GAB2: variants seen among roughly 807,000 people sequenced by gnomAD.
GAB2 encodes GRB2-associated-binding protein 2.
A neutral mutation model predicts 65.5 loss-of-function variants in GAB2; 26 were observed. The ratio of observed to expected loss-of-function variants is 0.40; its 90% CI spans 0.29 to 0.55. The LOEUF is 0.55. Ranked by LOEUF, GAB2 falls within the 20% of genes least tolerant of loss-of-function variation. GAB2 has a pLI of 0.53. For synonymous variants in GAB2, 321 were observed against 329.6 expected (o/e 0.97, Z 0.28); for missense variants, 884 against 875.8 (o/e 1.01, Z -0.12).
intron 2 of GAB2, among the ~76,000 whole-genome samples, chr11:78,265,121 G>A (rs1426000798): frequency 2.6e-5 from 4 of 151,282 alleles, no homozygotes; most frequent in Non-Finnish European, 4.4e-5. Context: ...CCAAGACCAC[G>A]TTTAGACTAA....
chr11:78,322,854 C>T (rs1855752236), intron 1 of GAB2, among the ~76,000 whole-genome samples: 1 of 150,208 alleles, frequency 6.7e-6, no homozygotes, highest in Admixed American at 6.6e-5. Flanking sequence ...AAAGGAAATC[C>T]TTATACACTG....
chr11:78,384,034 G>A (rs1432746532), intron 1 of GAB2, among the ~76,000 whole-genome samples: 1 of 152,160 alleles, frequency 6.6e-6, no homozygotes, highest in East Asian at 1.9e-4. Flanking sequence ...GAGGAAAGGG[G>A]CCTCCAGGGA....
chr11:78,236,129 T>C (rs970338564), intron 3 of GAB2, among the ~76,000 whole-genome samples: 1 of 152,240 alleles, frequency 6.6e-6, no homozygotes, highest in Admixed American at 6.5e-5. Context: ...CAGCAACATT[T>C]GATAGTTTTC....
Position 78,226,470 on chromosome 11 carries a change from T to G in GAB2, c.1202A>C (p.His401Pro). 2 of 1,612,474 alleles carry G rather than the reference T, an allele frequency of 1.2e-6. No homozygotes were observed. The highest frequency in any genetic ancestry group is 1.7e-6 in the Non-Finnish European group (2 of 1,178,460). ...CAGCTAGGACTTATACTGACCTCGGTGAAGTCGGCTGTTGTCCATTGCAGG... is the reference window on the plus strand; with the variant it reads ...CAGCTAGGACTTATACTGACCTCGGGGAAGTCGGCTGTTGTCCATTGCAGG... ...TLPAMDNSRL[H>P]RASSCETYEY... The change falls in exon 4 of 10, where the codon CAC (histidine) becomes CCC (proline). Residue 401 changes from histidine (H) to proline (P), a missense_variant. Physicochemically the swap from His to Pro is moderately conservative, Grantham distance 77. Coordinates refer to ENST00000361507, the MANE Select transcript of GAB2 (RefSeq NM_080491.3).
intron 1 of GAB2, among the ~76,000 whole-genome samples, chr11:78,289,136 G>A (rs539326593): frequency 4.6e-5 from 7 of 152,124 alleles, no homozygotes; most frequent in African/African-American, 7.2e-5. Flanking sequence ...GTCATGGTTC[G>A]TGCCTGTAAT....
At position 78,262,966 on chromosome 11, in the gene GAB2, TAC is replaced by T. The variant is rs537294590; in HGVS notation, c.377-12568_377-12567del. ...ACATAATTGTTTATGGCTGCATATATACTACAACAGCAAAGCTGAGTAGTTGC... is the reference window on the plus strand; with the variant it reads ...ACATAATTGTTTATGGCTGCATATATTACAACAGCAAAGCTGAGTAGTTGC... On this transcript the variant is annotated intron_variant, in intron 2 of 9. Transcript: ENST00000361507. 2.2e-3 allele frequency among the ~76,000 whole-genome samples: 329 copies of T among 152,336 alleles called. 1 individual carries two copies. The highest frequency in any genetic ancestry group is 7.3e-3 in the African/African-American group (303 of 41,578).
At chr11:78,369,317 T>C (rs73500989) in intron 1 of GAB2, among the ~76,000 whole-genome samples, 3,779 of 152,272 alleles carry the variant, frequency 0.025, 124 homozygotes, top group African/African-American at 0.079. Flanking sequence ...TTACAGTGTA[T>C]ATAAACTTAA....
chr11:78,262,258 G>A (rs537690228), intron 2 of GAB2, among the ~76,000 whole-genome samples: 30 of 152,322 alleles, frequency 2.0e-4, no homozygotes, highest in East Asian at 9.6e-4. Context: ...GTTGGAGTCC[G>A]AATCTCAGCT....
At chr11:78,234,967 G>A (rs866195484) in intron 3 of GAB2, among the ~76,000 whole-genome samples, 15 of 151,988 alleles carry the variant, frequency 9.9e-5, no homozygotes, top group African/African-American at 3.4e-4. Context: ...CTGAGATCAT[G>A]CCACTGCATT....
At position 78,215,867 on chromosome 11, in the gene GAB2, TA is replaced by T. The variant is rs1193192706; in HGVS notation, c.*3404del. The T allele has an allele frequency of 4.6e-5, 7 of 152,616 alleles. No homozygotes were observed. The highest frequency in any genetic ancestry group is 1.7e-4 in the African/African-American group (7 of 41,414). 9.5% of individuals were successfully genotyped at this position (152,616 alleles called of 1,614,324 possible). A position where few individuals can be genotyped will look rare whatever the true frequency, so the allele number is the denominator to read the frequency against. On this transcript the variant is annotated 3_prime_UTR_variant, in exon 10 of 10. Transcript: ENST00000361507. ...GGAAGGAAGAACTCTGGAAATGGGATAGGGGTGCTGGGCCGAGATGTCCCCA... is the reference window on the plus strand; with the variant it reads ...GGAAGGAAGAACTCTGGAAATGGGATGGGGTGCTGGGCCGAGATGTCCCCA...
chr11:78,396,289 T>C (rs1357685377), intron 1 of GAB2, among the ~76,000 whole-genome samples: 1 of 152,244 alleles, frequency 6.6e-6, no homozygotes, highest in Non-Finnish European at 1.5e-5. Flanking sequence ...AAGTGCTATA[T>C]TCACATCTGA....
chr11:78,231,851 T>TA (rs1372053508), intron 3 of GAB2: 2 of 152,242 alleles, frequency 1.3e-5, no homozygotes, highest in Non-Finnish European at 2.9e-5. Context: ...GGTGACTTAA[T>TA]ATAAAATGCT....
intron 1 of GAB2, among the ~76,000 whole-genome samples, chr11:78,292,005 T>G (rs1158294870): frequency 1.3e-4 from 1 of 7,488 alleles, no homozygotes; most frequent in African/African-American, 1.5e-4. Flanking sequence ...TGTGTAGGGG[T>G]GTGTGTGTGT....
chr11:78,299,965 G>A (rs1397632174), intron 1 of GAB2, among the ~76,000 whole-genome samples: 1 of 151,916 alleles, frequency 6.6e-6, no homozygotes, highest in African/African-American at 2.4e-5. Context: ...TCATTACATA[G>A]ATATAATTTA....
chr11:78,330,261 T>C (rs1353554500), intron 1 of GAB2, among the ~76,000 whole-genome samples: 4 of 152,220 alleles, frequency 2.6e-5, no homozygotes, highest in African/African-American at 7.2e-5. Context: ...TAATTCCTTG[T>C]ATTAAATTCC....
chr11:78,315,631 C>A (rs1251276417), intron 1 of GAB2, among the ~76,000 whole-genome samples: 1 of 152,022 alleles, frequency 6.6e-6, no homozygotes, highest in Non-Finnish European at 1.5e-5. Flanking sequence ...GGATGTGACA[C>A]CAAAGGTATA....
intron 1 of GAB2, among the ~76,000 whole-genome samples, chr11:78,286,301 C>T (rs1035387887): frequency 6.6e-6 from 1 of 152,232 alleles, no homozygotes; most frequent in African/African-American, 2.4e-5. Flanking sequence ...TCTATGTTCT[C>T]TCAGTGCCAG....
intron 1 of GAB2, among the ~76,000 whole-genome samples, chr11:78,367,821 CTTTTTTT>C (rs569887849): frequency 1.1e-4 from 13 of 116,094 alleles, no homozygotes; most frequent in Non-Finnish European, 2.1e-4. Flanking sequence ...TTTTCTTTTT[CTTTTTTT>C]TTTTTTTTTT....
chr11:78,345,808 C>A (rs143499133), intron 1 of GAB2, among the ~76,000 whole-genome samples: 1 of 152,126 alleles, frequency 6.6e-6, no homozygotes, highest in African/African-American at 2.4e-5. Flanking sequence ...CTGGAAGGCA[C>A]GGTAACCAGA....
Sources: gnomAD v4.1 joint callset for allele counts (sites outside exome capture counted in the v4.1 genomes callset) on GRCh38, gnomAD v4.1.1 for gene constraint, MANE v1.5 for transcripts, NCBI Gene and HGNC (gene_info 2026-07-23, HGNC 2026-07-21) for gene names.